Variants in SAE1 observed in about 807,000 individuals in gnomAD.
SAE1 encodes the protein SUMO1 activating enzyme subunit 1.
Under a neutral mutation model 40.6 loss-of-function variants are expected in SAE1, and 11 were observed. The ratio of observed to expected loss-of-function variants is 0.27; its 90% CI spans 0.17 to 0.45. SAE1 has a LOEUF of 0.45. Ranked by LOEUF, SAE1 falls within the 20% of genes least tolerant of loss-of-function variation. The pLI is 1.00. For missense variants in SAE1, 373 were observed against 427.3 expected, an observed-to-expected ratio of 0.87 and a Z score of 1.12; for synonymous variants, 155 against 154.3, an observed-to-expected ratio of 1.00 and a Z score of -0.03.
intron 6 of SAE1, among the ~76,000 whole-genome samples, chr19:47,195,055 C>A (rs1037733199): frequency 7.4e-6 from 1 of 135,524 alleles, no homozygotes; most frequent in East Asian, 2.1e-4. Flanking sequence ...CCTGGCCAGT[C>A]TTTTTTTTTT....
At chr19:47,145,731 TC>T (rs1046755500) in intron 2 of SAE1, among the ~76,000 whole-genome samples, 53 of 152,062 alleles carry the variant, frequency 3.5e-4, no homozygotes, top group African/African-American at 1.2e-3. Context: ...CATAATTACT[TC>T]ATCTGGTTGT....
At chr19:47,208,177 C>T (rs1427387894) in intron 8 of SAE1, among the ~76,000 whole-genome samples, 1 of 152,214 alleles carries the variant, frequency 6.6e-6, no homozygotes, top group Non-Finnish European at 1.5e-5. Flanking sequence ...GTTGAATAGT[C>T]ATGAATAATT....
At chr19:47,145,000 T>C (rs2058246545) in intron 2 of SAE1, among the ~76,000 whole-genome samples, 1 of 151,516 alleles carries the variant, frequency 6.6e-6, no homozygotes, top group African/African-American at 2.4e-5. Context: ...CCTGGCTAAG[T>C]TTTGTTTTGT....
At chr19:47,195,303 C>T (rs1160198477) in intron 6 of SAE1, among the ~76,000 whole-genome samples, 3 of 152,156 alleles carry the variant, frequency 2.0e-5, no homozygotes. Flanking sequence ...GATCCACCCG[C>T]CTTGGCCTCC....
At chr19:47,192,143 G>T (rs1209279543) in intron 6 of SAE1, among the ~76,000 whole-genome samples, 1 of 152,052 alleles carries the variant, frequency 6.6e-6, no homozygotes, top group Non-Finnish European at 1.5e-5. Flanking sequence ...TATGTGTCAG[G>T]CACTATACTA....
intron 6 of SAE1, among the ~76,000 whole-genome samples, chr19:47,182,475 G>GTT (rs2058513365): frequency 7.1e-6 from 1 of 140,504 alleles, no homozygotes; most frequent in Non-Finnish European, 1.5e-5. Context: ...GTGTGTGTGT[G>GTT]TGTGTGTGTG....
rs1329713044 is a variant in SAE1, at chr19:47,152,944, A to G, written c.431A>G (p.Gln144Arg). 3 of 1,612,336 alleles carry G rather than the reference A, an allele frequency of 1.9e-6. No individual in the cohort carries two copies. The highest frequency in any genetic ancestry group is 2.5e-6 in the Non-Finnish European group (3 of 1,179,910). ...AGGGATGTCATAGTTAAAGTTGACC[A>G]GATCTGTCACAAAAATAGCATCAAG... ...CSRDVIVKVD[Q>R]ICHKNSIKFF... is the part of the protein sequence containing the mutation. The change falls in exon 4 of 9, where the codon CAG becomes CGG. Residue 144 changes from glutamine (Q) to arginine (R), a missense_variant. Around this residue, in one of 3 missense-constraint regions of SAE1, gnomAD observed 351 missense variants for 390.6 expected, o/e 0.90. Coordinates refer to ENST00000270225, the MANE Select transcript of SAE1 (RefSeq NM_005500.3).
At chr19:47,142,167 T>A (rs2058226202) in intron 1 of SAE1, among the ~76,000 whole-genome samples, 1 of 152,046 alleles carries the variant, frequency 6.6e-6, no homozygotes, top group Non-Finnish European at 1.5e-5. Context: ...GTGGATCACT[T>A]GAGGTCAGGG....
At chr19:47,187,006 T>C (rs1045111926) in intron 6 of SAE1, among the ~76,000 whole-genome samples, 7 of 152,166 alleles carry the variant, frequency 4.6e-5, no homozygotes, top group Admixed American at 3.9e-4. Context: ...ACAGCTAGCA[T>C]AGGGTAGGGG....
chr19:47,143,573 G>T lies in SAE1; in HGVS notation c.178G>T (p.Val60Leu), dbSNP rs916608501. Reference protein sequence around the residue: ...EIAKNLILAGVKGLTMLDHEQ... With the variant: ...EIAKNLILAGLKGLTMLDHEQ... Reference sequence around the variant, plus strand: ...TGCCAAGAATCTCATCTTGGCAGGAGTGAAAGGACTGACCATGCTGGATCA... The same window carrying T: ...TGCCAAGAATCTCATCTTGGCAGGATTGAAAGGACTGACCATGCTGGATCA... Residue 60 changes from valine to leucine, a missense_variant, in exon 2 of 9, where the codon GTG (valine) becomes TTG (leucine). Physicochemically the swap from Val to Leu is conservative, Grantham distance 32. Coordinates refer to ENST00000270225, the MANE Select transcript of SAE1 (RefSeq NM_005500.3). 4 of 1,613,952 alleles carry T rather than the reference G, an allele frequency of 2.5e-6. No individual in the cohort carries two copies. Among genetic ancestry groups the T allele is most frequent in the Non-Finnish European group, 2.5e-6 (3 of 1,179,994 alleles).
At chr19:47,138,093 G>C (rs1404218179) in intron 1 of SAE1, among the ~76,000 whole-genome samples, 1 of 151,724 alleles carries the variant, frequency 6.6e-6, no homozygotes, top group African/African-American at 2.4e-5. Flanking sequence ...GCCCAGGCTG[G>C]AGTGCAATGG....
intron 6 of SAE1, among the ~76,000 whole-genome samples, chr19:47,194,690 G>A (rs1341994820): frequency 6.6e-6 from 1 of 151,990 alleles, no homozygotes; most frequent in Non-Finnish European, 1.5e-5. Flanking sequence ...CCCGCAGGCA[G>A]GTTACCTGTG....
At chr19:47,188,656 T>A (rs189922536) in intron 6 of SAE1, among the ~76,000 whole-genome samples, 1 of 152,200 alleles carries the variant, frequency 6.6e-6, no homozygotes. Flanking sequence ...TCATTTAATC[T>A]TTAAACCCCA....
intron 6 of SAE1, among the ~76,000 whole-genome samples, chr19:47,171,507 A>G (rs1243704169): frequency 6.6e-6 from 1 of 151,902 alleles, no homozygotes; most frequent in Non-Finnish European, 1.5e-5. Context: ...CCAGGAGAGC[A>G]GTGGCGTGAT....
At chr19:47,176,596 G>A (rs2058470125) in intron 6 of SAE1, among the ~76,000 whole-genome samples, 1 of 152,144 alleles carries the variant, frequency 6.6e-6, no homozygotes, top group Non-Finnish European at 1.5e-5. Flanking sequence ...CTACCCCTGT[G>A]GCACCCATCA....
In SAE1 at chr19:47,209,571, C is replaced by T. The variant is rs1447266064; in HGVS notation, c.*320C>T. The T allele has an allele frequency of 9.9e-6, 4 of 402,708 alleles. No homozygotes were observed. Among genetic ancestry groups the T allele is most frequent in the African/African-American group, 2.0e-5 (1 of 48,942 alleles). 24.9% of individuals were successfully genotyped at this position (402,708 alleles called of 1,614,324 possible). A position where few individuals can be genotyped will look rare whatever the true frequency, so the allele number is the denominator to read the frequency against. On this transcript the variant is annotated 3_prime_UTR_variant, in exon 9 of 9. Coordinates refer to ENST00000270225, the MANE Select transcript of SAE1 (RefSeq NM_005500.3). ...CTCTGTCCTTATGCTGTCCCGGCCT[C>T]GCCAGCCCTCTGGGGCATTGTGGGA... is the stretch of plus-strand genomic sequence containing the variant.
intron 6 of SAE1, among the ~76,000 whole-genome samples, chr19:47,188,682 T>G (rs985010882): frequency 6.6e-6 from 1 of 152,184 alleles, no homozygotes; most frequent in African/African-American, 2.4e-5. Context: ...GCCCTTGGGA[T>G]TCCCATTTTG....
At chr19:47,188,315 A>T (rs1212641327) in intron 6 of SAE1, among the ~76,000 whole-genome samples, 1 of 151,844 alleles carries the variant, frequency 6.6e-6, no homozygotes, top group Non-Finnish European at 1.5e-5. Flanking sequence ...TGTGCTGCTC[A>T]TTCCAGCCTG....
chr19:47,147,274 A>G (rs1484441498), intron 2 of SAE1, among the ~76,000 whole-genome samples: 1 of 125,696 alleles, frequency 8.0e-6, no homozygotes, highest in Non-Finnish European at 1.5e-5. Flanking sequence ...GGGCATGATC[A>G]TGGCTCACTG....
Sources: allele counts gnomAD v4.1 joint callset (sites outside exome capture counted in the v4.1 genomes callset), GRCh38; gene constraint gnomAD v4.1.1; regional missense constraint gnomAD v4.1.1; transcripts MANE v1.5; gene names NCBI Gene and HGNC (gene_info 2026-07-23, HGNC 2026-07-21).